Variants in THRB observed in about 807,000 individuals in gnomAD.
The protein encoded by THRB is nuclear receptor subfamily 1 group A member 2.
Under a neutral mutation model 47.8 loss-of-function variants are expected in THRB, and 12 were observed. The ratio of observed to expected loss-of-function variants is 0.25; its 90% CI spans 0.16 to 0.41. The LOEUF (loss-of-function observed/expected upper bound fraction) is 0.41, where lower values mean the gene tolerates loss of function less well. THRB is among the 10% of genes least tolerant of loss of function. The probability of loss-of-function intolerance (pLI) is 1.00; values close to 1 mark genes in which losing one functional copy is unlikely to be tolerated. For synonymous variants in THRB, 218 were observed against 212.2 expected, an observed-to-expected ratio of 1.03 and a Z score of -0.24; for missense variants, 348 against 589.2, an observed-to-expected ratio of 0.59 and a Z score of 4.24.
At chr3:24,175,233 T>C (rs2040988298) in intron 5 of THRB, among the ~76,000 whole-genome samples, 1 of 152,234 alleles carries the variant, frequency 6.6e-6, no homozygotes, top group Admixed American at 6.5e-5. Context: ...AGTAATGGGT[T>C]GTAGGGTCCA....
At position 24,306,519 on chromosome 3, in the gene THRB, G is replaced by C. The variant is rs56018522; in HGVS notation, c.-188-9148C>G. Among the ~76,000 whole-genome samples, 427 of 151,890 alleles carry C rather than the reference G, an allele frequency of 2.8e-3. 1 individual carries two copies. Among genetic ancestry groups the C allele is most frequent in the South Asian group, 7.2e-3 (34 of 4,752 alleles). ...GGAAAAATTATCCCAAAGAAAAATA[G>C]CATAAATATTCTTTGTATTTTCCTG... On this transcript the variant is annotated intron_variant, in intron 2 of 10. Coordinates refer to ENST00000646209, the MANE Select transcript of THRB (RefSeq NM_001354712.2).
At chr3:24,316,730 C>A (rs1262854433) in intron 2 of THRB, among the ~76,000 whole-genome samples, 1 of 152,124 alleles carries the variant, frequency 6.6e-6, no homozygotes, top group Non-Finnish European at 1.5e-5. Context: ...GCTTCACATA[C>A]AAGACCCCCG....
At chr3:24,157,099 A>T (rs1054341267) in intron 5 of THRB, among the ~76,000 whole-genome samples, 1 of 152,198 alleles carries the variant, frequency 6.6e-6, no homozygotes, top group Admixed American at 6.5e-5. Flanking sequence ...AAACAGCATT[A>T]ACTTTGGAGG....
At position 24,445,099 on chromosome 3, in the gene THRB, T is replaced by C. The variant is rs149493310; in HGVS notation, c.-261+49553A>G. Among the ~76,000 whole-genome samples the C allele has an allele frequency of 9.6e-3, 1,457 of 152,176 alleles. 8 individuals carry two copies. Among genetic ancestry groups the C allele is most frequent in the Non-Finnish European group, 0.017 (1,140 of 67,994 alleles). ...TGGTTACAGAAATAGAGAGCCCAGA[T>C]ACAGAAATGTATATACCAATTAAAA... On this transcript the variant is annotated intron_variant, in intron 1 of 10. Transcript: ENST00000646209.
chr3:24,451,229 C>CTTTTTTTT (rs71057674), intron 1 of THRB, among the ~76,000 whole-genome samples: 1 of 95,360 alleles, frequency 1.0e-5, no homozygotes, highest in Non-Finnish European at 2.0e-5. Flanking sequence ...ACTACATGTA[C>CTTTTTTTT]TTTTTTTTTT....
intron 3 of THRB, among the ~76,000 whole-genome samples, chr3:24,287,180 T>C (rs542200333): frequency 6.6e-6 from 1 of 152,176 alleles, no homozygotes; most frequent in Non-Finnish European, 1.5e-5. Context: ...TTCTTTCCTT[T>C]GCCACTGAAT....
intron 1 of THRB, among the ~76,000 whole-genome samples, chr3:24,367,781 C>T (rs189602200): frequency 2.6e-5 from 4 of 152,228 alleles, no homozygotes; most frequent in East Asian, 3.9e-4. Flanking sequence ...ACAGTACTGC[C>T]GGGCTTGCAG....
intron 3 of THRB, among the ~76,000 whole-genome samples, chr3:24,249,373 A>T (rs1410397228): frequency 1.3e-5 from 2 of 152,166 alleles, no homozygotes; most frequent in African/African-American, 2.4e-5. Flanking sequence ...TTTCCCCCTT[A>T]TACTTCTAAT....
intron 1 of THRB, among the ~76,000 whole-genome samples, chr3:24,408,049 A>G (rs1312888359): frequency 6.6e-6 from 1 of 151,940 alleles, no homozygotes; most frequent in African/African-American, 2.4e-5. Context: ...ATAAATATTA[A>G]AAGGAGAAAA....
intron 3 of THRB, among the ~76,000 whole-genome samples, chr3:24,266,464 C>A (rs1309881030): frequency 1.3e-5 from 2 of 152,086 alleles, no homozygotes; most frequent in African/African-American, 4.8e-5. Context: ...AGTGAAGAGG[C>A]AGGCTTGGAA....
intron 4 of THRB, among the ~76,000 whole-genome samples, chr3:24,215,695 A>G (rs937826918): frequency 2.6e-5 from 4 of 152,226 alleles, no homozygotes; most frequent in Non-Finnish European, 4.4e-5. Context: ...ACACAGCTAG[A>G]CTGCATTTCC....
intron 2 of THRB, among the ~76,000 whole-genome samples, chr3:24,331,164 T>A (rs545197631): frequency 1.3e-5 from 2 of 151,798 alleles, no homozygotes; most frequent in East Asian, 3.9e-4. Context: ...AAAAAGGGAG[T>A]GATGATGACT....
intron 1 of THRB, among the ~76,000 whole-genome samples, chr3:24,442,692 C>T (rs773139102): frequency 1.2e-4 from 18 of 152,130 alleles, no homozygotes; most frequent in Admixed American, 3.9e-4. Context: ...GGTGTAGTGG[C>T]GCATGCCTGT....
intron 3 of THRB, among the ~76,000 whole-genome samples, chr3:24,254,279 C>G (rs980055645): frequency 5.0e-5 from 7 of 141,106 alleles, no homozygotes; most frequent in Non-Finnish European, 9.0e-5. Flanking sequence ...TCTGTAGTCC[C>G]AGCTACTCAG....
At chr3:24,346,064 C>G (rs1421026027) in intron 1 of THRB, among the ~76,000 whole-genome samples, 2 of 151,920 alleles carry the variant, frequency 1.3e-5, no homozygotes, top group Admixed American at 1.3e-4. Context: ...CTTGGAAACA[C>G]AGGAAGGAAT....
intron 4 of THRB, among the ~76,000 whole-genome samples, chr3:24,217,285 A>C (rs58879829): frequency 1.5e-3 from 232 of 152,240 alleles, no homozygotes; most frequent in African/African-American, 5.3e-3. Flanking sequence ...TTGTACAATA[A>C]TATGAGGCAG....
chr3:24,346,263 CTTATA>C (rs2063006654), intron 1 of THRB, among the ~76,000 whole-genome samples: 1 of 151,966 alleles, frequency 6.6e-6, no homozygotes, highest in African/African-American at 2.4e-5. Flanking sequence ...AAAGTCACAA[CTTATA>C]TTATATACTA....
chr3:24,450,327 G>A (rs1358951766), intron 1 of THRB, among the ~76,000 whole-genome samples: 2 of 152,190 alleles, frequency 1.3e-5, no homozygotes, highest in African/African-American at 4.8e-5. Context: ...ACGATTTACA[G>A]TAGACCTCAC....
intron 1 of THRB, among the ~76,000 whole-genome samples, chr3:24,467,417 C>A (rs2125717973): frequency 6.6e-6 from 1 of 152,302 alleles, no homozygotes; most frequent in South Asian, 2.1e-4. Flanking sequence ...GAATGGTAAA[C>A]CATTTCCAGA....
Sources: gnomAD v4.1 joint callset for allele counts (sites outside exome capture counted in the v4.1 genomes callset) on GRCh38, gnomAD v4.1.1 for gene constraint, MANE v1.5 for transcripts, NCBI Gene and HGNC (gene_info 2026-07-23, HGNC 2026-07-21) for gene names.